The following FBXO24 variants were observed in gnomAD, a reference collection of about 807,000 sequenced individuals.
FBXO24 encodes F-box only protein 24.
In FBXO24, 30 loss-of-function variants were observed where a neutral mutation model predicts 63.5. The ratio of observed to expected loss-of-function variants is 0.47; its 90% CI spans 0.35 to 0.64. FBXO24 has a LOEUF of 0.64. Among genes scored for constraint, FBXO24 ranks in the 30% least tolerant of loss-of-function variants. The probability of loss-of-function intolerance (pLI) is 0.00; values close to 1 mark genes in which losing one functional copy is unlikely to be tolerated. For missense variants in FBXO24, 624 were observed against 763.4 expected (o/e 0.82, Z 2.15); for synonymous variants, 300 against 305.0 (o/e 0.98, Z 0.17).
At position 100,600,802 on chromosome 7, in the gene FBXO24, T is replaced by C; in HGVS notation, c.1646T>C (p.Met549Thr). 1 of 1,614,132 alleles carries C rather than the reference T, an allele frequency of 6.2e-7. No homozygotes were observed. The highest frequency in any genetic ancestry group is 8.5e-7 in the Non-Finnish European group (1 of 1,180,000). The change falls in exon 10 of 10, where the codon ATG becomes ACG. Residue 549 changes from methionine (M) to threonine (T), a missense_variant. Coordinates refer to ENST00000241071, the MANE Select transcript of FBXO24 (RefSeq NM_033506.3). The surrounding 1 kb of genome is among the most constrained non-coding windows in gnomAD (Gnocchi z 6.3). Reference protein sequence around the residue: ...MKEIVGWMPLMAAQKDFFWEA... With the variant: ...MKEIVGWMPLTAAQKDFFWEA... ...GAGATCGTAGGGTGGATGCCCCTGA[T>C]GGCCGCACAGAAGGACTTCTTCTGG...
In FBXO24 at chr7:100,595,624, T is replaced by C; in HGVS notation, c.1124T>C (p.Phe375Ser). ...GYNHLGLVDEFGRIFMQGNNR... is the reference protein window; with the variant it reads ...GYNHLGLVDESGRIFMQGNNR... Reference sequence around the variant, plus strand: ...AACCACCTTGGCCTGGTGGATGAATTTGGCCGAATCTTCATGCAAGGAAAT... The same window carrying C: ...AACCACCTTGGCCTGGTGGATGAATCTGGCCGAATCTTCATGCAAGGAAAT... Residue 375 changes from phenylalanine (F) to serine (S), a missense_variant, in exon 8 of 10, where the codon TTT (phenylalanine) becomes TCT (serine). By Grantham distance (155) the Phe-to-Ser change is radical (BLOSUM62 -2). Around this residue, in one of 3 missense-constraint regions of FBXO24, gnomAD observed 17 missense variants for 49.0 expected, o/e 0.35. Coordinates refer to ENST00000241071, the MANE Select transcript of FBXO24 (RefSeq NM_033506.3). 3 of 1,613,410 alleles carry C rather than the reference T, an allele frequency of 1.9e-6. No individual in the cohort carries two copies. Among genetic ancestry groups the C allele is most frequent in the Non-Finnish European group, 2.5e-6 (3 of 1,179,550 alleles).
At chr7:100,589,630 A>C in intron 1 of FBXO24, 1 of 1,475,564 alleles carries the variant, frequency 6.8e-7, no homozygotes, top group South Asian at 1.3e-5. Flanking sequence ...CCCCAAGCCT[A>C]GGCTGGGGAC....
intron 1 of FBXO24, chr7:100,589,488 G>A (rs1375806839): frequency 3.1e-6 from 4 of 1,298,352 alleles, no homozygotes; most frequent in Non-Finnish European, 3.9e-6. Context: ...CCCAGGAGCT[G>A]TCTAAGAGAT....
At chr7:100,586,731 T>C (rs776399473) in intron 1 of FBXO24, 67 bp downstream of exon 1, 1 of 1,576,592 alleles carries the variant, frequency 6.3e-7, no homozygotes, top group Non-Finnish European at 8.7e-7. Context: ...GGGAACGCAG[T>C]TCGCCGCTGC....
Position 100,595,107 on chromosome 7 carries a change from G to C in FBXO24, c.958G>C (p.Gly320Arg), listed in dbSNP as rs946940461. ...GAGGGCTCCTGACCCCCCAGACCAG[G>C]GGGGAGTGTATTTTGAGGTGCATAC... ...QSSTLYVTDQ[G>R]GVYFEVHTPG... The change falls in exon 7 of 10, where the codon GGG becomes CGG. Residue 320 changes from glycine to arginine, a missense_variant. By Grantham distance (125) the Gly-to-Arg change is moderately radical. Transcript: ENST00000241071. 3 of 1,613,850 alleles carry C rather than the reference G, an allele frequency of 1.9e-6. No homozygotes were observed. Among genetic ancestry groups the C allele is most frequent in the African/African-American group, 2.7e-5 (2 of 74,878 alleles).
At chr7:100,590,965 C>T (rs1341515126) in intron 3 of FBXO24, among the ~76,000 whole-genome samples, 2 of 151,768 alleles carry the variant, frequency 1.3e-5, no homozygotes, top group South Asian at 2.1e-4. Context: ...GGAGGATGAC[C>T]GGCCTTCATC....
chr7:100,594,996 G>C lies in FBXO24; in HGVS notation c.953-106G>C. ...AGGCATCATAGTTGATGCATTCCTAGTGGGTATGAGACTCCTTGGATCTTG... is the reference window on the plus strand; with the variant it reads ...AGGCATCATAGTTGATGCATTCCTACTGGGTATGAGACTCCTTGGATCTTG... On this transcript the variant is annotated intron_variant, in intron 6 of 9. Transcript: ENST00000241071. The surrounding 1 kb of genome is among the most constrained non-coding windows in gnomAD (Gnocchi z 4.2). The C allele has an allele frequency of 1.4e-6, 2 of 1,462,664 alleles. No homozygotes were observed. Among genetic ancestry groups the C allele is most frequent in the Non-Finnish European group, 1.9e-6 (2 of 1,071,496 alleles). 90.6% of individuals were successfully genotyped at this position (1,462,664 alleles called of 1,614,324 possible). A position where few individuals can be genotyped will look rare whatever the true frequency, so the allele number is the denominator to read the frequency against.
chr7:100,591,741 G>A lies in FBXO24; in HGVS notation c.397G>A (p.Ala133Thr), dbSNP rs1001434217. 1.9e-6 allele frequency: 3 copies of A among 1,614,126 alleles called. No homozygotes were observed. The African/African-American group carries it at 4.0e-5, about 22-fold the overall frequency. Reference sequence around the variant, plus strand: ...CAGCAAGAGCGTGGCCCCCTTGCTAGCCCACGGCTACCGCCGCTTCTTGCC... The same window carrying A: ...CAGCAAGAGCGTGGCCCCCTTGCTAACCCACGGCTACCGCCGCTTCTTGCC... ...CLSKSVAPLL[A>T]HGYRRFLPTK... Residue 133 changes from alanine to threonine, a missense_variant, in exon 4 of 10, where the codon GCC becomes ACC. This residue lies in a region of FBXO24 where 391 missense variants were observed against 469.1 expected (regional missense o/e 0.83). Transcript: ENST00000241071.
rs750598680 is a variant in FBXO24, at chr7:100,586,663, G to A, written c.38G>A (p.Arg13Gln). The A allele has an allele frequency of 2.5e-6, 4 of 1,614,190 alleles. No individual in the cohort carries two copies. The African/African-American group carries it at 5.3e-5, about 22-fold the overall frequency. ...EKAVPLLRRRRVKRSCPSCGS... is the reference protein window; with the variant it reads ...EKAVPLLRRRQVKRSCPSCGS... ...GCGGTCCCTTTGCTAAGGAGGAGGC[G>A]GGTGAGCTAGAACTTTAAGACTGAG... Residue 13 changes from arginine to glutamine, a missense_variant and splice_region_variant, in exon 1 of 10, where the codon CGG (arginine) becomes CAG (glutamine). By Grantham distance (43) the Arg-to-Gln change is conservative. Transcript: ENST00000241071.
intron 8 of FBXO24, among the ~76,000 whole-genome samples, chr7:100,598,610 G>A (rs1033715583): frequency 6.6e-6 from 1 of 152,214 alleles, no homozygotes; most frequent in African/African-American, 2.4e-5. Context: ...GCAGGAAGCG[G>A]CAGGAAGCAA....
In FBXO24 at chr7:100,600,196, G is replaced by A; in HGVS notation, c.1372G>A (p.Val458Ile). ...GAGTGCCTCCTTCGTCAAGCTCCAA[G>A]TCAAGGTCAGAGCGGGGTCAGGAGA... ...KGSASFVKLQVKVPLCACALC... is the reference protein window; with the variant it reads ...KGSASFVKLQIKVPLCACALC... The change falls in exon 9 of 10, where the codon GTC (valine) becomes ATC (isoleucine). Residue 458 changes from valine (V) to isoleucine (I), a missense_variant. By Grantham distance (29) the Val-to-Ile change is conservative. This residue lies in a region of FBXO24 where 216 missense variants were observed against 245.2 expected (regional missense o/e 0.88). Coordinates refer to ENST00000241071, the MANE Select transcript of FBXO24 (RefSeq NM_033506.3). The surrounding 1 kb of genome is among the most constrained non-coding windows in gnomAD (Gnocchi z 6.3). The A allele has an allele frequency of 6.4e-7, 1 of 1,559,046 alleles. No homozygotes were observed. The highest frequency in any genetic ancestry group is 8.7e-7 in the Non-Finnish European group (1 of 1,150,926).
At chr7:100,599,970 CA>C in intron 8 of FBXO24, 60 bp from the exon 9 acceptor site, 10 of 1,448,666 alleles carry the variant, frequency 6.9e-6, no homozygotes, top group Non-Finnish European at 9.5e-6. Flanking sequence ...AACCTTTTCC[CA>C]CCCCAGCCCC....
At chr7:100,591,958 C>T (rs1329199997) in intron 4 of FBXO24, 56 bp downstream of exon 4, 5 of 1,558,886 alleles carry the variant, frequency 3.2e-6, no homozygotes, top group Non-Finnish European at 3.5e-6. Context: ...CATTTTCACA[C>T]TGCTATAAAG....
intron 8 of FBXO24, among the ~76,000 whole-genome samples, chr7:100,596,020 G>A (rs1172605553): frequency 6.6e-6 from 1 of 152,196 alleles, no homozygotes. Flanking sequence ...CCTCACGCCT[G>A]TAATCCCGAC....
rs747136429 is a variant in FBXO24, at chr7:100,592,920, G to A, written c.696G>A (p.Gly232=). The stretch of plus-strand genomic sequence containing the variant: ...TTGAGGTCTATCTGCAGTCTAGTGG[G>A]CAGCGGGTCTTCAAGATGACATTCC... ...DCVEVYLQSS[G]QRVFKMTFHH... is the part of the protein sequence containing the mutation. Residue 232 remains glycine (G), a synonymous_variant, in exon 5 of 10, where the codon GGG becomes GGA. Transcript: ENST00000241071. 1 of 1,614,198 alleles carries A rather than the reference G, an allele frequency of 6.2e-7. No individual in the cohort carries two copies. The highest frequency in any genetic ancestry group is 1.1e-5 in the South Asian group (1 of 91,092).
chr7:100,597,879 T>G lies in FBXO24; in HGVS notation c.1207-2152T>G, dbSNP rs376199391. On this transcript the variant is annotated intron_variant, in intron 8 of 9. Coordinates refer to ENST00000241071, the MANE Select transcript of FBXO24 (RefSeq NM_033506.3). ...ACTACGCCCAGATAAGTTTTTGTTT[T>G]TTTTGTTTTTTTTGTTTTTTTTTTT... Among the ~76,000 whole-genome samples the G allele has an allele frequency of 1.6e-3, 223 of 142,456 alleles. 1 individual carries two copies. Among genetic ancestry groups the G allele is most frequent in the African/African-American group, 5.4e-3 (216 of 40,038 alleles). 93.5% of individuals were successfully genotyped at this position (142,456 alleles called of 152,430 possible). A position where few individuals can be genotyped will look rare whatever the true frequency, so the allele number is the denominator to read the frequency against.
rs564396138 is a variant in FBXO24 at position 100,589,671 on chromosome 7, G to T, written c.40-306G>T. On this transcript the variant is annotated intron_variant, in intron 1 of 9. Coordinates refer to ENST00000241071, the MANE Select transcript of FBXO24 (RefSeq NM_033506.3). ...GTGGGAAAGCCAGCAGGAACGGGGG[G>T]GCCAAGGGCCTAGGAGACAGGAGGG... The T allele has an allele frequency of 1.4e-5, 21 of 1,517,018 alleles. No homozygotes were observed. The highest frequency in any genetic ancestry group is 3.5e-4 in the Middle Eastern group (2 of 5,770). The allele number at this position is 1,517,018 out of a possible 1,614,324, so 94.0% of individuals were successfully genotyped here.
Position 100,600,475 on chromosome 7 carries a change from TGG to T in FBXO24, c.1378-57_1378-56del. ...AATAGGCAGATTAGCCCGGGCACCC[TGG>T]GAAACCCTGCAAGGAAAGCACCACT... is the stretch of plus-strand genomic sequence containing the variant. On this transcript the variant is annotated intron_variant, in intron 9 of 9. Coordinates refer to ENST00000241071, the MANE Select transcript of FBXO24 (RefSeq NM_033506.3). The surrounding 1 kb of genome is among the most constrained non-coding windows in gnomAD (Gnocchi z 6.3). 6.6e-7 allele frequency: 1 copy of T among 1,520,328 alleles called. No homozygotes were observed. Among genetic ancestry groups the T allele is most frequent in the East Asian group, 2.3e-5 (1 of 44,074 alleles). The allele number at this position is 1,520,328 out of a possible 1,614,324, so 94.2% of individuals were successfully genotyped here.
At chr7:100,591,583 T>A in intron 3 of FBXO24, 84 bp from the exon 4 acceptor site, 1 of 1,273,788 alleles carries the variant, frequency 7.9e-7, no homozygotes. Flanking sequence ...CAAACCAGCG[T>A]GTCTAAGAAA....
Sources: allele counts gnomAD v4.1 joint callset (sites outside exome capture counted in the v4.1 genomes callset), GRCh38; gene constraint gnomAD v4.1.1; regional missense constraint gnomAD v4.1.1; non-coding constraint Gnocchi (gnomAD v3.1); transcripts MANE v1.5; gene names NCBI Gene and HGNC (gene_info 2026-07-23, HGNC 2026-07-21).